Variants in FCMR observed in about 807,000 individuals in gnomAD.
FCMR encodes the protein Fc mu receptor.
Under a neutral mutation model 41.6 loss-of-function variants are expected in FCMR, and 34 were observed. The observed-to-expected ratio is 0.82, with a 90% CI of 0.62 to 1.09. The LOEUF (loss-of-function observed/expected upper bound fraction) is 1.09. Ranked by LOEUF, FCMR falls within the 50% of genes least tolerant of loss-of-function variation. FCMR has a pLI of 0.00. For synonymous variants in FCMR, 209 were observed against 211.8 expected (o/e 0.99, Z 0.12); for missense variants, 496 against 512.5 (o/e 0.97, Z 0.31).
At position 206,909,619 on chromosome 1, in the gene FCMR, ACCCTGTGGGAAG is replaced by A; in HGVS notation, c.985+94_986-100del. The A allele has an allele frequency of 7.8e-7, 1 of 1,288,762 alleles. No individual in the cohort carries two copies. Among genetic ancestry groups the A allele is most frequent in the East Asian group, 3.2e-5 (1 of 31,656 alleles). 79.8% of individuals were successfully genotyped at this position (1,288,762 alleles called of 1,614,324 possible). A position where few individuals can be genotyped will look rare whatever the true frequency, so the allele number is the denominator to read the frequency against. On this transcript the variant is annotated intron_variant, in intron 6 of 7. Transcript: ENST00000367091. The surrounding 1 kb of genome is among the most constrained non-coding windows in gnomAD (Gnocchi z 5.0). ...CCACCCCCGCCCCACTCCCAGCTCC[ACCCTGTGGGAAG>A]CCCTGGCACCTGGGAGCGCGCCCCG...
At chr1:206,911,979 T>C (rs774078315) in intron 3 of FCMR, 27 bp from the exon 4 acceptor site, 2 of 1,554,130 alleles carry the variant, frequency 1.3e-6, no homozygotes, top group South Asian at 1.1e-5. Context: ...GAAAAAGGGA[T>C]GTTCCTTTTA....
intron 1 of FCMR, among the ~76,000 whole-genome samples, chr1:206,918,619 C>T (rs1293080604): frequency 6.6e-6 from 1 of 150,994 alleles, no homozygotes. Context: ...TAGAACTCAT[C>T]TTCATGTTAA....
chr1:206,907,103 T>TGGGGGGGGGGGGGGGGGGGGGGGGG (rs75679471), intron 7 of FCMR, among the ~76,000 whole-genome samples: 2 of 43,358 alleles, frequency 4.6e-5, no homozygotes, highest in Non-Finnish European at 9.2e-5. Context: ...GGTGGGGGGG[T>TGGGGGGGGGGGGGGGGGGGGGGGGG]GGGGGGGGGG....
chr1:206,918,828 C>A (rs1572632025), intron 1 of FCMR, among the ~76,000 whole-genome samples: 1 of 152,062 alleles, frequency 6.6e-6, no homozygotes, highest in East Asian at 1.9e-4. Flanking sequence ...GGGCTCCAGG[C>A]AAAGTGGTCT....
rs1477878353 is a variant in FCMR at position 206,905,100 on chromosome 1, A to C, written c.1092T>G (p.Cys364Trp). Residue 364 changes from cysteine to tryptophan, a missense_variant, in exon 8 of 8, where the codon TGT becomes TGG. Cys to Trp is a radical substitution (Grantham distance 215). Coordinates refer to ENST00000367091, the MANE Select transcript of FCMR (RefSeq NM_005449.5). ...WLHAPSLKTS[C>W]EYVSLYHQPA... Reference sequence around the variant, plus strand: ...GCTGGTGGTAGAGGCTCACGTATTCACAGCTGGTCTTCAGAGATGGGGCAT... The same window carrying C: ...GCTGGTGGTAGAGGCTCACGTATTCCCAGCTGGTCTTCAGAGATGGGGCAT... 1 of 1,614,056 alleles carries C rather than the reference A, an allele frequency of 6.2e-7. No homozygotes were observed.
chr1:206,921,955 G>T, upstream of FCMR: 1 of 1,059,556 alleles, frequency 9.4e-7, no homozygotes, highest in South Asian at 1.3e-5. Context: ...ACTGGAAAGA[G>T]ATTTCTAGCC....
Position 206,914,031 on chromosome 1 carries a change from G to A in FCMR, c.101C>T (p.Thr34Ile), listed in dbSNP as rs1273448087. 6.2e-7 allele frequency: 1 copy of A among 1,614,190 alleles called. No individual in the cohort carries two copies. Among genetic ancestry groups the A allele is most frequent in the Non-Finnish European group, 8.5e-7 (1 of 1,180,026 alleles). Reference protein sequence around the residue: ...KVEGELGGSVTIKCPLPEMHV... With the variant: ...KVEGELGGSVIIKCPLPEMHV... ...CATTTCAGGAAGTGGGCACTTGATG[G>A]TAACTGATCCGCCCAGCTCCCCCTC... is the stretch of plus-strand genomic sequence containing the variant. Residue 34 changes from threonine to isoleucine, a missense_variant, in exon 2 of 8, where the codon ACC becomes ATC. Physicochemically the swap from Thr to Ile is moderately conservative, Grantham distance 89 (BLOSUM62 -1). Transcript: ENST00000367091.
chr1:206,909,648 C>G lies in FCMR; in HGVS notation c.985+77G>C. The G allele has an allele frequency of 7.4e-7, 1 of 1,343,728 alleles. No individual in the cohort carries two copies. Among genetic ancestry groups the G allele is most frequent in the Non-Finnish European group, 9.5e-7 (1 of 1,049,856 alleles). The allele number at this position is 1,343,728 out of a possible 1,614,324, so 83.2% of individuals were successfully genotyped here. On this transcript the variant is annotated intron_variant, in intron 6 of 7. Coordinates refer to ENST00000367091, the MANE Select transcript of FCMR (RefSeq NM_005449.5). The surrounding 1 kb of genome is among the most constrained non-coding windows in gnomAD (Gnocchi z 5.0). ...TGTGGGAAGCCCTGGCACCTGGGAG[C>G]GCGCCCCGCTGCGCCCGGCTTTCCC...
intron 7 of FCMR, among the ~76,000 whole-genome samples, chr1:206,906,817 TAGAC>T (rs1185737648): frequency 2.0e-5 from 3 of 151,528 alleles, no homozygotes; most frequent in Non-Finnish European, 2.9e-5. Flanking sequence ...AAAGACGGAG[TAGAC>T]AGACAGTGTG....
chr1:206,918,278 CT>C lies in FCMR; in HGVS notation c.37+3539del, dbSNP rs1161607914. Among the ~76,000 whole-genome samples the C allele has an allele frequency of 2.0e-5, 3 of 152,142 alleles. No individual in the cohort carries two copies. In the East Asian group the frequency reaches 5.8e-4, roughly 29 times the overall value. On this transcript the variant is annotated intron_variant, in intron 1 of 7. Transcript: ENST00000367091. ...CGGTGGCTCCCTGTCAGCCTGCATT[CT>C]TCCTCTCCTTCTCTCCTGCCTCTCC...
intron 4 of FCMR, 151 bp from the exon 5 acceptor site, chr1:206,910,491 C>G (rs557622584): frequency 7.4e-5 from 41 of 552,154 alleles, no homozygotes; most frequent in Non-Finnish European, 1.2e-4. Flanking sequence ...CTCAAAAAGA[C>G]TTGCCTATGG....
rs763329858 is a variant in FCMR at position 206,909,803 on chromosome 1, G to C, written c.907C>G (p.Arg303Gly). 2.8e-6 allele frequency: 4 copies of C among 1,430,130 alleles called. No individual in the cohort carries two copies. In the South Asian group the frequency reaches 6.0e-5, roughly 21 times the overall value. The allele number at this position is 1,430,130 out of a possible 1,614,324, so 88.6% of individuals were successfully genotyped here. The change falls in exon 6 of 8, where the codon CGC becomes GGC. Residue 303 changes from arginine (R) to glycine (G), a missense_variant. By Grantham distance (125) the Arg-to-Gly change is moderately radical. Coordinates refer to ENST00000367091, the MANE Select transcript of FCMR (RefSeq NM_005449.5). This position sits in a 1 kb window ranked among gnomAD's most constrained non-coding sequence, Gnocchi z 5.0. The part of the protein sequence containing the change: ...MRALESSQRP[R>G]GSPRPRSQNN... The stretch of plus-strand genomic sequence containing the variant: ...TGGGAGCGCGGTCGCGGCGACCCGC[G>C]GGGCCTCTGGGAGCTCTCCAGGGCG...
intron 1 of FCMR, chr1:206,921,437 C>CA (rs1558007238): frequency 7.1e-6 from 3 of 425,304 alleles, no homozygotes; most frequent in African/African-American, 2.0e-5. Context: ...TCCATCTCTA[C>CA]AAAAAAATTA....
At chr1:206,912,182 A>G (rs1365585590) in intron 3 of FCMR, among the ~76,000 whole-genome samples, 1 of 152,140 alleles carries the variant, frequency 6.6e-6, no homozygotes, top group Non-Finnish European at 1.5e-5. Flanking sequence ...CTGACTTCCC[A>G]GGTAGAAGAG....
At chr1:206,906,320 C>T (rs1678642379) in intron 7 of FCMR, 2 of 223,340 alleles carry the variant, frequency 9.0e-6, no homozygotes, top group Non-Finnish European at 1.8e-5. Context: ...CTTTAGAGGC[C>T]AAAGAAGAGA....
At chr1:206,908,011 A>G (rs1232165394) in intron 7 of FCMR, 6 of 1,436,590 alleles carry the variant, frequency 4.2e-6, no homozygotes, top group Non-Finnish European at 9.7e-7. Flanking sequence ...TCTGAAGCTT[A>G]CAAGAAAGTT....
At chr1:206,907,066 CA>C (rs2102542601) in intron 7 of FCMR, among the ~76,000 whole-genome samples, 1 of 67,964 alleles carries the variant, frequency 1.5e-5, no homozygotes, top group East Asian at 4.2e-4. Context: ...TGGGGAAGGG[CA>C]AGCCGGAGAA....
Position 206,909,905 on chromosome 1 carries a change from G to T in FCMR, c.842-37C>A, listed in dbSNP as rs1308604102. 1.5e-6 allele frequency: 2 copies of T among 1,370,104 alleles called. No homozygotes were observed. Among genetic ancestry groups the T allele is most frequent in the Non-Finnish European group, 1.9e-6 (2 of 1,063,350 alleles). The allele number at this position is 1,370,104 out of a possible 1,614,324, so 84.9% of individuals were successfully genotyped here. A position where few individuals can be genotyped will look rare whatever the true frequency, so the allele number is the denominator to read the frequency against. ...AGCCACGGGAAGAGGGAGGAAAATG[G>T]CATCAGAGGCCCGTGCCACCCTCCC... is the stretch of plus-strand genomic sequence containing the variant. On this transcript the variant is annotated intron_variant, in intron 5 of 7. Coordinates refer to ENST00000367091, the MANE Select transcript of FCMR (RefSeq NM_005449.5). This position sits in a 1 kb window ranked among gnomAD's most constrained non-coding sequence, Gnocchi z 5.0.
intron 5 of FCMR, 29 bp downstream of exon 5, chr1:206,910,181 G>A (rs1475414646): frequency 6.4e-6 from 10 of 1,567,140 alleles, no homozygotes; most frequent in Non-Finnish European, 5.2e-6. Flanking sequence ...GGGCAGCTCA[G>A]CTCTCCCTAC....
Sources: allele counts gnomAD v4.1 joint callset (sites outside exome capture counted in the v4.1 genomes callset), GRCh38; gene constraint gnomAD v4.1.1; non-coding constraint Gnocchi (gnomAD v3.1); transcripts MANE v1.5; gene names NCBI Gene and HGNC (gene_info 2026-07-23, HGNC 2026-07-21).